Variants in CDYL observed in about 807,000 individuals in gnomAD.
The protein encoded by CDYL is chromodomain Y-like protein.
A neutral mutation model predicts 47.3 loss-of-function variants in CDYL; 8 were observed. That is an observed-to-expected ratio of 0.17 (90% confidence interval 0.10 to 0.31). The LOEUF (loss-of-function observed/expected upper bound fraction) is 0.31, where lower values mean the gene tolerates loss of function less well. CDYL is among the 10% of genes least tolerant of loss of function. The pLI is 1.00. For synonymous variants in CDYL, 266 were observed against 265.0 expected, an observed-to-expected ratio of 1.00 and a Z score of -0.04; for missense variants, 471 against 701.4, an observed-to-expected ratio of 0.67 and a Z score of 3.71.
At chr6:4,739,191 A>AAAAATAAAAT (rs560432926) in intron 3 of CDYL, among the ~76,000 whole-genome samples, 7,028 of 149,126 alleles carry the variant, frequency 0.047, 237 homozygotes, top group Non-Finnish European at 0.075. Flanking sequence ...ATTAAATAAT[A>AAAAATAAAAT]AAAATAAAAT....
At chr6:4,844,088 G>GT (rs1760582997) in intron 1 of CDYL, among the ~76,000 whole-genome samples, 1 of 152,154 alleles carries the variant, frequency 6.6e-6, no homozygotes, top group African/African-American at 2.4e-5. Flanking sequence ...CGTGGTGATT[G>GT]TTTTTTCTCT....
Position 4,951,412 on chromosome 6 carries a change from T to C in CDYL, c.1333-854T>C, listed in dbSNP as rs1335307308. Among the ~76,000 whole-genome samples the C allele has an allele frequency of 2.0e-5, 3 of 152,264 alleles. No individual in the cohort carries two copies. The East Asian group carries it at 5.8e-4, about 29-fold the overall frequency. ...TGTCATTTGAATGATGTAAAATCCA[T>C]ACATGTTGTACTGAGACCTTAAAAG... On this transcript the variant is annotated intron_variant, in intron 5 of 6. Transcript: ENST00000397588.
chr6:4,854,689 C>G (rs1252509647), intron 1 of CDYL, among the ~76,000 whole-genome samples: 1 of 152,204 alleles, frequency 6.6e-6, no homozygotes, highest in Non-Finnish European at 1.5e-5. Context: ...GGCACACACA[C>G]CTAGCAGGTA....
chr6:4,842,840 T>C (rs1023058118), intron 1 of CDYL, among the ~76,000 whole-genome samples: 5 of 152,318 alleles, frequency 3.3e-5, no homozygotes, highest in Admixed American at 6.5e-5. Context: ...GGTTTTTTTT[T>C]CCATTATGTT....
chr6:4,848,262 A>G (rs952958640), intron 1 of CDYL, among the ~76,000 whole-genome samples: 2 of 152,298 alleles, frequency 1.3e-5, no homozygotes, highest in Middle Eastern at 3.4e-3. Context: ...ATATTTGCTG[A>G]ATGAGTGAAC....
At chr6:4,855,643 T>C (rs1760984223) in intron 1 of CDYL, among the ~76,000 whole-genome samples, 1 of 152,182 alleles carries the variant, frequency 6.6e-6, no homozygotes, top group Non-Finnish European at 1.5e-5. Flanking sequence ...ATCTTTTATC[T>C]CAAAAAGTTT....
chr6:4,902,374 C>G (rs1030302045), intron 2 of CDYL, among the ~76,000 whole-genome samples: 1 of 150,976 alleles, frequency 6.6e-6, no homozygotes, highest in African/African-American at 2.4e-5. Flanking sequence ...CCATTGCACT[C>G]CAGTCTGGGC....
chr6:4,708,626 A>G (rs1327819764), intron 1 of CDYL, among the ~76,000 whole-genome samples: 1 of 152,356 alleles, frequency 6.6e-6, no homozygotes, highest in East Asian at 1.9e-4. Context: ...TTCCTTAAAC[A>G]TTTTTAAACA....
rs1267275075 is a variant in CDYL at position 4,763,097 on chromosome 6, C to T, written c.186+28253C>T. ...AATATAGCAGATTTCTCAATGGAAA[C>T]AATTGAAAGTAGGAGACTATAAAAT... is the stretch of plus-strand genomic sequence containing the variant. On this transcript the variant is annotated intron_variant, in intron 3 of 8. Coordinates refer to the CDYL transcript ENST00000328908. 2.0e-5 allele frequency among the ~76,000 whole-genome samples: 3 copies of T among 151,978 alleles called. No individual in the cohort carries two copies. The East Asian group carries it at 5.8e-4, about 29-fold the overall frequency.
chr6:4,951,208 A>G (rs1367009358), intron 5 of CDYL, among the ~76,000 whole-genome samples: 1 of 152,204 alleles, frequency 6.6e-6, no homozygotes, highest in East Asian at 1.9e-4. Flanking sequence ...ACCTACCGAA[A>G]TTGTGTTTTA....
chr6:4,939,702 A>C (rs1157293566), intron 4 of CDYL, among the ~76,000 whole-genome samples: 1 of 152,222 alleles, frequency 6.6e-6, no homozygotes, highest in Non-Finnish European at 1.5e-5. Flanking sequence ...TCAGTGTCAT[A>C]AATCCTTGGC....
Position 4,767,732 on chromosome 6 carries a change from G to A in CDYL, c.186+32888G>A, listed in dbSNP as rs555566655. Among the ~76,000 whole-genome samples the A allele has an allele frequency of 3.3e-5, 5 of 152,190 alleles. No individual in the cohort carries two copies. The South Asian group carries it at 8.3e-4, about 25-fold the overall frequency. On this transcript the variant is annotated intron_variant, in intron 3 of 8. Coordinates refer to the CDYL transcript ENST00000328908. ...GCTTTCCCTCTGTAATAAAAATCAA[G>A]ACCTGGTATCCACTTTACTCAATGT...
intron 2 of CDYL, among the ~76,000 whole-genome samples, chr6:4,914,932 A>G (rs1216957451): frequency 6.6e-6 from 1 of 152,214 alleles, no homozygotes; most frequent in Non-Finnish European, 1.5e-5. Context: ...GGACGAGTCC[A>G]GGACAGAGCT....
intron 1 of CDYL, among the ~76,000 whole-genome samples, chr6:4,798,919 C>G (rs1414335251): frequency 6.6e-6 from 1 of 152,182 alleles, no homozygotes; most frequent in African/African-American, 2.4e-5. Context: ...TTTACCTCAT[C>G]TAAAATGTTG....
At chr6:4,934,038 T>C (rs989530394) in intron 2 of CDYL, among the ~76,000 whole-genome samples, 2 of 152,202 alleles carry the variant, frequency 1.3e-5, no homozygotes, top group African/African-American at 4.8e-5. Flanking sequence ...GTATATCTTA[T>C]ATATGTACAA....
intron 1 of CDYL, among the ~76,000 whole-genome samples, chr6:4,879,381 G>T (rs544366486): frequency 1.3e-5 from 2 of 152,080 alleles, no homozygotes; most frequent in African/African-American, 4.8e-5. Context: ...GGTTGTTATA[G>T]CATCTTAATA....
intron 1 of CDYL, among the ~76,000 whole-genome samples, chr6:4,783,765 T>C (rs1201588555): frequency 6.6e-6 from 1 of 152,184 alleles, no homozygotes; most frequent in African/African-American, 2.4e-5. Context: ...GAGATCTGTC[T>C]TCTGTCTCTG....
intron 2 of CDYL, among the ~76,000 whole-genome samples, chr6:4,906,553 G>A (rs182018106): frequency 1.1e-4 from 16 of 152,304 alleles, no homozygotes; most frequent in Admixed American, 2.6e-4. Flanking sequence ...ATGACATTGC[G>A]TACAGAGTGT....
rs548854677 is a variant in CDYL at position 4,925,555 on chromosome 6, A to G, written c.692-9960A>G. On this transcript the variant is annotated intron_variant, in intron 2 of 6. Coordinates refer to ENST00000397588, the MANE Select transcript of CDYL (RefSeq NM_004824.4). Reference sequence around the variant, plus strand: ...CTCAGCCTCCCGAGTAGCTGGGACTACAGGCACCCGCCACCACACTCGGCT... The same window carrying G: ...CTCAGCCTCCCGAGTAGCTGGGACTGCAGGCACCCGCCACCACACTCGGCT... 2.6e-5 allele frequency among the ~76,000 whole-genome samples: 4 copies of G among 151,832 alleles called. No individual in the cohort carries two copies. In the South Asian group the frequency reaches 6.2e-4, roughly 24 times the overall value.
Sources: gnomAD v4.1 joint callset for allele counts (sites outside exome capture counted in the v4.1 genomes callset) on GRCh38, gnomAD v4.1.1 for gene constraint, MANE v1.5 for transcripts, NCBI Gene and HGNC (gene_info 2026-07-23, HGNC 2026-07-21) for gene names.